Variants in SLC9A7 observed in about 807,000 individuals in gnomAD.
SLC9A7 encodes the protein sodium/hydrogen exchanger 7.
In SLC9A7, 19 loss-of-function variants were observed where a neutral mutation model predicts 52.6. The ratio of observed to expected loss-of-function variants is 0.36; its 90% CI spans 0.25 to 0.53. SLC9A7 has a LOEUF of 0.53. Ranked by LOEUF, SLC9A7 falls within the 20% of genes least tolerant of loss-of-function variation. The pLI is 0.91. For synonymous variants in SLC9A7, 226 were observed against 252.1 expected, an observed-to-expected ratio of 0.90 and a Z score of 0.98; for missense variants, 455 against 597.9, an observed-to-expected ratio of 0.76 and a Z score of 2.49.
At chrX:46,674,363 C>G (rs183576035) in intron 3 of SLC9A7, among the ~76,000 whole-genome samples, 4 of 112,379 alleles carry the variant, frequency 3.6e-5, no homozygotes, top group African/African-American at 1.3e-4. Flanking sequence ...TGAGCTGAAA[C>G]TTAACTGTAT....
intron 14 of SLC9A7, among the ~76,000 whole-genome samples, chrX:46,624,836 A>C (rs906576897): frequency 8.9e-6 from 1 of 111,908 alleles, no homozygotes; most frequent in African/African-American, 3.3e-5. Flanking sequence ...AATACCACCA[A>C]CCCTGCTTAT....
intron 1 of SLC9A7, among the ~76,000 whole-genome samples, chrX:46,712,159 G>GT (rs1944700969): frequency 9.0e-6 from 1 of 111,601 alleles, no homozygotes; most frequent in Non-Finnish European, 1.9e-5. Flanking sequence ...TCCATATTAT[G>GT]TTTTTTGCAG....
In SLC9A7 at chrX:46,602,014, C is replaced by G. The variant is rs6611269; in HGVS notation, c.*4938G>C. On this transcript the variant is annotated 3_prime_UTR_variant, in exon 17 of 17. Coordinates refer to ENST00000616978, the MANE Select transcript of SLC9A7 (RefSeq NM_001257291.2). Reference sequence around the variant, plus strand: ...ATAGGTGAAGGAAAAGAAAATCTGACTCCAGAGGGGACTATTAATTTAATT... The same window carrying G: ...ATAGGTGAAGGAAAAGAAAATCTGAGTCCAGAGGGGACTATTAATTTAATT... 41,905 of 107,555 alleles carry G rather than the reference C, an allele frequency of 0.39. 8,411 individuals are homozygous for G. The highest frequency in any genetic ancestry group is 0.77 in the African/African-American group (22,630 of 29,563). 8.9% of individuals were successfully genotyped at this position (107,555 alleles called of 1,213,427 possible).
At chrX:46,621,339 T>C (rs1943043322) in intron 14 of SLC9A7, among the ~76,000 whole-genome samples, 1 of 112,303 alleles carries the variant, frequency 8.9e-6, no homozygotes, top group African/African-American at 3.2e-5. Flanking sequence ...ATTGCAATTT[T>C]CCTCAAAGTG....
intron 1 of SLC9A7, among the ~76,000 whole-genome samples, chrX:46,738,089 AAGAAAGAAAGAAAGAAAG>A (rs1945159060): frequency 1.0e-4 from 7 of 67,819 alleles, no homozygotes; most frequent in African/African-American, 2.4e-4. Context: ...GAAAGAAAGA[AAGAAAGAAAGAAAGAAAG>A]AGAAAAGAAA....
intron 10 of SLC9A7, among the ~76,000 whole-genome samples, chrX:46,650,509 G>A (rs367871148): frequency 1.8e-5 from 2 of 109,183 alleles, no homozygotes; most frequent in Admixed American, 9.8e-5. Flanking sequence ...TGGTGGGGGC[G>A]GGGAGAAAGA....
chrX:46,689,586 T>C, intron 1 of SLC9A7, among the ~76,000 whole-genome samples: 1 of 47,254 alleles, frequency 2.1e-5, no homozygotes, highest in Non-Finnish European at 3.4e-5. Flanking sequence ...CTCAAAGTAA[T>C]TATGCCTTTT....
chrX:46,682,257 T>C (rs1230314125), intron 2 of SLC9A7, 79 bp downstream of exon 2: 1 of 972,741 alleles, frequency 1.0e-6, no homozygotes, highest in African/African-American at 1.9e-5. Flanking sequence ...TTTGGAAGGA[T>C]TTCTCTCCAC....
At chrX:46,638,587 G>A (rs1039435278) in intron 12 of SLC9A7, among the ~76,000 whole-genome samples, 3 of 111,653 alleles carry the variant, frequency 2.7e-5, no homozygotes, top group African/African-American at 9.8e-5. Flanking sequence ...GATAACAAGG[G>A]AATGCTACAA....
At chrX:46,665,575 A>G (rs762984261) in intron 5 of SLC9A7, among the ~76,000 whole-genome samples, 137 of 109,442 alleles carry the variant, frequency 1.3e-3, no homozygotes, top group African/African-American at 4.2e-3. Flanking sequence ...AAAAAAAAAA[A>G]AAAAGAAATT....
chrX:46,753,446 C>T (rs1271947025), intron 1 of SLC9A7, among the ~76,000 whole-genome samples: 1 of 111,679 alleles, frequency 9.0e-6, no homozygotes, highest in African/African-American at 3.3e-5. Flanking sequence ...ATGTTCTGTG[C>T]CTTGCTTTTT....
intron 5 of SLC9A7, among the ~76,000 whole-genome samples, chrX:46,668,656 A>G (rs974334394): frequency 2.7e-5 from 3 of 112,481 alleles, no homozygotes; most frequent in Non-Finnish European, 5.6e-5. Context: ...TCACAAAAGG[A>G]CAAATACTGT....
chrX:46,666,475 C>T (rs1039928139), intron 5 of SLC9A7, among the ~76,000 whole-genome samples: 2 of 112,174 alleles, frequency 1.8e-5, no homozygotes, highest in African/African-American at 6.5e-5. Flanking sequence ...TTCTAATTTA[C>T]AAAAACATTC....
intron 1 of SLC9A7, among the ~76,000 whole-genome samples, chrX:46,705,157 G>A (rs1311374189): frequency 2.7e-5 from 3 of 111,477 alleles, no homozygotes; most frequent in Non-Finnish European, 5.6e-5. Context: ...AGCCCACACA[G>A]GGGAGAAAGG....
Position 46,718,865 on chromosome X carries a change from C to G in SLC9A7, c.326-36330G>C, listed in dbSNP as rs921286076. ...CTGTTGGTGGGACTGTAAACTAGTT[C>G]AACCATTGTGGAAGACAGTGTGGTG... On this transcript the variant is annotated intron_variant, in intron 1 of 16. Transcript: ENST00000616978. Among the ~76,000 whole-genome samples the G allele has an allele frequency of 2.2e-4, 25 of 112,087 alleles. 1 individual carries two copies. Among genetic ancestry groups the G allele is most frequent in the Non-Finnish European group, 9.4e-5 (5 of 53,258 alleles).
At chrX:46,636,474 C>T (rs1002719855) in intron 12 of SLC9A7, among the ~76,000 whole-genome samples, 1 of 110,054 alleles carries the variant, frequency 9.1e-6, no homozygotes, top group Non-Finnish European at 1.9e-5. Flanking sequence ...GAGGTTTTGA[C>T]CCCTTCCTCT....
chrX:46,751,574 G>A (rs1324919828), intron 1 of SLC9A7, among the ~76,000 whole-genome samples: 6 of 111,494 alleles, frequency 5.4e-5, no homozygotes, highest in Admixed American at 3.8e-4. Context: ...TTAGGAAGCC[G>A]AGGCAGGTGG....
At chrX:46,635,737 G>C (rs888442206) in intron 12 of SLC9A7, 89 bp from the exon 13 acceptor site, 1 of 657,001 alleles carries the variant, frequency 1.5e-6, no homozygotes, top group African/African-American at 2.2e-5. Context: ...ATGTCCACCA[G>C]AGAATATTTT....
chrX:46,607,287 C>T (rs1009914115), intron 16 of SLC9A7, 84 bp from the exon 17 acceptor site: 2 of 1,039,203 alleles, frequency 1.9e-6, no homozygotes, highest in Admixed American at 5.3e-5. Context: ...CCAATCCCAA[C>T]TCCTCATCTG....
Sources: allele counts gnomAD v4.1 joint callset (sites outside exome capture counted in the v4.1 genomes callset), GRCh38; gene constraint gnomAD v4.1.1; transcripts MANE v1.5; gene names NCBI Gene and HGNC (gene_info 2026-07-23, HGNC 2026-07-21).